The following CTNNA3 variants were observed in gnomAD, a reference collection of about 807,000 sequenced individuals.
The protein encoded by CTNNA3 is catenin alpha-3.
In CTNNA3, 76 loss-of-function variants were observed where a neutral mutation model predicts 95.7. That is an observed-to-expected ratio of 0.79 (90% CI 0.66 to 0.96). The LOEUF is 0.96. Ranked by LOEUF, CTNNA3 falls within the 40% of genes least tolerant of loss-of-function variation. CTNNA3 has a pLI of 0.00. For synonymous variants in CTNNA3, 431 were observed against 374.4 expected, an observed-to-expected ratio of 1.15 and a Z score of -1.74; for missense variants, 1,191 against 1,089.8, an observed-to-expected ratio of 1.09 and a Z score of -1.31.
chr10:66,704,115 ACAAT>A (rs1299203428), intron 9 of CTNNA3, among the ~76,000 whole-genome samples: 2 of 152,106 alleles, frequency 1.3e-5, no homozygotes, highest in Non-Finnish European at 2.9e-5. Flanking sequence ...ATTTAAATAC[ACAAT>A]CAATATTTTT....
At chr10:67,042,672 A>C (rs1854477192) in intron 7 of CTNNA3, among the ~76,000 whole-genome samples, 2 of 152,030 alleles carry the variant, frequency 1.3e-5, no homozygotes, top group African/African-American at 4.8e-5. Context: ...AGGAAAGGTA[A>C]GAGTGGGGAA....
intron 9 of CTNNA3, among the ~76,000 whole-genome samples, chr10:66,640,462 T>A (rs547426302): frequency 6.6e-6 from 1 of 152,052 alleles, no homozygotes; most frequent in Admixed American, 6.5e-5. Context: ...TCCCTAAGAG[T>A]TCAGGTAAGG....
At chr10:67,158,028 G>A (rs180909070) in intron 7 of CTNNA3, among the ~76,000 whole-genome samples, 9 of 151,886 alleles carry the variant, frequency 5.9e-5, no homozygotes, top group East Asian at 1.9e-4. Flanking sequence ...AGACTGTCTC[G>A]GCCCACCCAG....
chr10:66,358,901 T>G (rs58241032), intron 12 of CTNNA3, among the ~76,000 whole-genome samples: 2,810 of 152,318 alleles, frequency 0.018, 100 homozygotes, highest in African/African-American at 0.065. Context: ...TACAGTTGTA[T>G]TATGCTCTAA....
At chr10:66,999,213 T>C (rs1851540402) in intron 7 of CTNNA3, among the ~76,000 whole-genome samples, 1 of 152,122 alleles carries the variant, frequency 6.6e-6, no homozygotes, top group African/African-American at 2.4e-5. Context: ...ATTTCAAGAA[T>C]TTAAACATGA....
chr10:67,694,220 C>T lies in CTNNA3; in HGVS notation c.-6+1780G>A, dbSNP rs529578329. On this transcript the variant is annotated intron_variant, in intron 1 of 17. Coordinates refer to ENST00000433211, the MANE Select transcript of CTNNA3 (RefSeq NM_013266.4). The stretch of plus-strand genomic sequence containing the variant: ...AGAGCTGAAGTATTTTCAACTCTGA[C>T]ATGTAGCTTTGTTGATATCTGTAAA... Among the ~76,000 whole-genome samples the T allele has an allele frequency of 2.6e-5, 4 of 152,250 alleles. No individual in the cohort carries two copies. In the South Asian group the frequency reaches 6.2e-4, roughly 24 times the overall value.
chr10:67,343,461 G>T (rs540457779), intron 5 of CTNNA3, among the ~76,000 whole-genome samples: 1 of 152,038 alleles, frequency 6.6e-6, no homozygotes, highest in Non-Finnish European at 1.5e-5. Flanking sequence ...CCATTATAAA[G>T]ATCTTTCACT....
intron 1 of CTNNA3, among the ~76,000 whole-genome samples, chr10:67,732,598 G>T (rs1841281841): frequency 6.6e-6 from 1 of 152,076 alleles, no homozygotes; most frequent in South Asian, 2.1e-4. Context: ...GTAATAGAAT[G>T]GCCTTAAATC....
intron 5 of CTNNA3, among the ~76,000 whole-genome samples, chr10:67,400,278 C>A (rs2132804060): frequency 6.6e-6 from 1 of 152,224 alleles, no homozygotes; most frequent in Middle Eastern, 3.4e-3. Context: ...CAATCTATCA[C>A]CCATAAACAT....
chr10:67,216,791 G>A (rs1205447966), intron 6 of CTNNA3, among the ~76,000 whole-genome samples: 2 of 152,164 alleles, frequency 1.3e-5, no homozygotes, highest in South Asian at 2.1e-4. Context: ...CCTCACAGGA[G>A]ACAATATGTC....
intron 2 of CTNNA3, among the ~76,000 whole-genome samples, chr10:67,614,754 TG>T (rs1261961604): frequency 1.3e-5 from 2 of 152,184 alleles, no homozygotes; most frequent in Non-Finnish European, 1.5e-5. Flanking sequence ...GCCTAGGGGT[TG>T]GGGACCCCTG....
Position 67,355,935 on chromosome 10 carries a change from A to G in CTNNA3, c.580-136065T>C, listed in dbSNP as rs1842791608. ...TCCCAGCCTCCACACCATCATCTACAGGAGTTAGAGAGTATCAAAGTTCTA... is the reference window on the plus strand; with the variant it reads ...TCCCAGCCTCCACACCATCATCTACGGGAGTTAGAGAGTATCAAAGTTCTA... On this transcript the variant is annotated intron_variant, in intron 5 of 17. Coordinates refer to ENST00000433211, the MANE Select transcript of CTNNA3 (RefSeq NM_013266.4). Among the ~76,000 whole-genome samples, 3 of 151,950 alleles carry G rather than the reference A, an allele frequency of 2.0e-5. 1 individual carries two copies. In the South Asian group the frequency reaches 6.2e-4, roughly 31 times the overall value.
intron 9 of CTNNA3, among the ~76,000 whole-genome samples, chr10:66,693,509 A>G (rs1461018085): frequency 2.0e-5 from 3 of 151,548 alleles, no homozygotes; most frequent in East Asian, 2.0e-4. Context: ...CACAATAATA[A>G]TGAGAGACTT....
chr10:67,732,734 C>T (rs1841282542), intron 1 of CTNNA3, among the ~76,000 whole-genome samples: 1 of 152,150 alleles, frequency 6.6e-6, no homozygotes, highest in South Asian at 2.1e-4. Context: ...ATTTCTCTCA[C>T]AACATTAGTT....
intron 9 of CTNNA3, among the ~76,000 whole-genome samples, chr10:66,754,645 T>TA (rs1839293573): frequency 6.6e-6 from 1 of 152,048 alleles, no homozygotes; most frequent in Non-Finnish European, 1.5e-5. Flanking sequence ...CAAGAATTCA[T>TA]AAAAATGGGC....
chr10:67,666,732 T>C (rs1840337676), intron 1 of CTNNA3, among the ~76,000 whole-genome samples: 1 of 152,156 alleles, frequency 6.6e-6, no homozygotes, highest in African/African-American at 2.4e-5. Context: ...CTTTCCTTAG[T>C]AAATGTGCTT....
At chr10:67,615,349 A>C (rs1180843600) in intron 2 of CTNNA3, among the ~76,000 whole-genome samples, 1 of 152,236 alleles carries the variant, frequency 6.6e-6, no homozygotes, top group Non-Finnish European at 1.5e-5. Flanking sequence ...CGTGTCAAAC[A>C]CATAAGCAGT....
chr10:67,012,775 T>C lies in CTNNA3; in HGVS notation c.1047+167542A>G, dbSNP rs149935059. Among the ~76,000 whole-genome samples, 348 of 152,274 alleles carry C rather than the reference T, an allele frequency of 2.3e-3. 4 individuals carry two copies. In the East Asian group the frequency reaches 0.024, roughly 10 times the overall value. On this transcript the variant is annotated intron_variant, in intron 7 of 17. Coordinates refer to ENST00000433211, the MANE Select transcript of CTNNA3 (RefSeq NM_013266.4). ...TTCTGTAAAATGATCAAGATTTTTGTTGGAATTCACGAGTGTTTGTTAAAG... is the reference window on the plus strand; with the variant it reads ...TTCTGTAAAATGATCAAGATTTTTGCTGGAATTCACGAGTGTTTGTTAAAG...
At chr10:66,874,379 T>C (rs1844532604) in intron 7 of CTNNA3, among the ~76,000 whole-genome samples, 1 of 152,198 alleles carries the variant, frequency 6.6e-6, no homozygotes, top group African/African-American at 2.4e-5. Context: ...GGAATATTAT[T>C]AATCTCTCTG....
Sources: gnomAD v4.1 joint callset for allele counts (sites outside exome capture counted in the v4.1 genomes callset) on GRCh38, gnomAD v4.1.1 for gene constraint, MANE v1.5 for transcripts, NCBI Gene and HGNC (gene_info 2026-07-23, HGNC 2026-07-21) for gene names.